Variants in EIF2S3B observed in about 807,000 individuals in gnomAD.
EIF2S3B encodes the protein eukaryotic translation initiation factor 2 subunit gamma B.
Under a neutral mutation model 26.4 loss-of-function variants are expected in EIF2S3B, and 16 were observed. The observed-to-expected ratio is 0.61, with a 90% CI of 0.41 to 0.92. The LOEUF is 0.92. EIF2S3B is among the 40% of genes least tolerant of loss of function. The pLI is 0.00. For missense variants in EIF2S3B, 510 were observed against 575.5 expected (o/e 0.89, Z 1.16); for synonymous variants, 183 against 204.4 (o/e 0.90, Z 0.89).
downstream of EIF2S3B, among the ~76,000 whole-genome samples, chr12:10,508,923 G>A (rs1165995313): frequency 6.6e-6 from 1 of 152,120 alleles, no homozygotes; most frequent in African/African-American, 2.4e-5. Flanking sequence ...AGAACCGTCA[G>A]ATAAAATCTG....
chr12:10,521,582 A>G (rs944402812), intron 1 of EIF2S3B, among the ~76,000 whole-genome samples: 5 of 152,134 alleles, frequency 3.3e-5, no homozygotes, highest in Non-Finnish European at 5.9e-5. Flanking sequence ...CTTCTGCAAA[A>G]CCATAAAATA....
At chr12:10,520,543 T>C (rs935517035) in intron 1 of EIF2S3B, among the ~76,000 whole-genome samples, 9 of 152,044 alleles carry the variant, frequency 5.9e-5, no homozygotes, top group African/African-American at 1.7e-4. Context: ...AAAGGAGATA[T>C]GCAATATCAA....
rs895160870 is a variant in EIF2S3B, at chr12:10,506,886, G to C, written c.984G>C (p.Leu328=). Residue 328 remains leucine, a synonymous_variant, in exon 1 of 1, where the codon CTG becomes CTC. Transcript: ENST00000538173. ...CACTTTTTGCGGAGCATAATGATCT[G>C]CAATATGCTGCTCCAGGCGGTCTTA... ...IVSLFAEHND[L]QYAAPGGLIG... is the part of the protein sequence containing the mutation. The C allele has an allele frequency of 1.9e-6, 3 of 1,613,418 alleles. No homozygotes were observed. Among genetic ancestry groups the C allele is most frequent in the Non-Finnish European group, 2.5e-6 (3 of 1,179,466 alleles).
intron 1 of EIF2S3B, among the ~76,000 whole-genome samples, chr12:10,517,350 G>A (rs1470955856): frequency 6.6e-6 from 1 of 151,510 alleles, no homozygotes; most frequent in East Asian, 1.9e-4. Context: ...GAGGGTGTAT[G>A]TGTCGAGGAA....
chr12:10,507,346 C>T lies in EIF2S3B; in HGVS notation c.*25C>T, dbSNP rs1864648184. Reference sequence around the variant, plus strand: ...AAGAATACCGGTTAAATAATACATTCGGATGGAGCTGGAAGTTGCAATTTC... The same window carrying T: ...AAGAATACCGGTTAAATAATACATTTGGATGGAGCTGGAAGTTGCAATTTC... On this transcript the variant is annotated 3_prime_UTR_variant, in exon 1 of 1. Coordinates refer to ENST00000538173, the MANE Select transcript of EIF2S3B (RefSeq NM_001357734.3). The T allele has an allele frequency of 1.9e-6, 3 of 1,611,536 alleles. No homozygotes were observed. Among genetic ancestry groups the T allele is most frequent in the East Asian group, 2.2e-5 (1 of 44,854 alleles).
chr12:10,518,317 G>A (rs1382846632), intron 1 of EIF2S3B, among the ~76,000 whole-genome samples: 5 of 152,142 alleles, frequency 3.3e-5, no homozygotes, highest in African/African-American at 9.7e-5. Context: ...ATATATTTAG[G>A]ATAGTTAGCT....
chr12:10,515,096 A>G (rs962943721), intron 1 of EIF2S3B, among the ~76,000 whole-genome samples: 2 of 152,078 alleles, frequency 1.3e-5, no homozygotes, highest in Admixed American at 6.6e-5. Context: ...TGCAATTATA[A>G]TACCTAAATC....
intron 1 of EIF2S3B, among the ~76,000 whole-genome samples, chr12:10,522,090 A>T (rs74357082): frequency 6.6e-6 from 1 of 152,252 alleles, no homozygotes; most frequent in African/African-American, 2.4e-5. Flanking sequence ...TCTGTAAAAC[A>T]TATCATACTG....
chr12:10,515,456 A>G (rs1489693466), intron 1 of EIF2S3B, among the ~76,000 whole-genome samples: 1 of 152,072 alleles, frequency 6.6e-6, no homozygotes. Flanking sequence ...ATTAATAATA[A>G]TCAGAATAAA....
At chr12:10,508,525 C>CAAAAAAAAAAAAAAAAAAAAAAAA, downstream of EIF2S3B, among the ~76,000 whole-genome samples, 7 of 62,972 alleles carry the variant, frequency 1.1e-4, no homozygotes, top group Non-Finnish European at 1.7e-4. Flanking sequence ...TGTTAGAAAG[C>CAAAAAAAAAAAAAAAAAAAAAAAA]AAAAAAAAAA....
intron 1 of EIF2S3B, among the ~76,000 whole-genome samples, chr12:10,520,827 C>A (rs915308071): frequency 3.9e-5 from 6 of 152,038 alleles, no homozygotes; most frequent in Non-Finnish European, 8.8e-5. Context: ...AATGGAGAGA[C>A]CTCAATAAGT....
chr12:10,515,399 C>T (rs138036315), intron 1 of EIF2S3B, among the ~76,000 whole-genome samples: 73 of 151,720 alleles, frequency 4.8e-4, no homozygotes, highest in Admixed American at 9.9e-4. Context: ...TAGTTCCTGA[C>T]CTATAGAAGA....
At chr12:10,515,973 T>C (rs1301884465) in intron 1 of EIF2S3B, among the ~76,000 whole-genome samples, 1 of 150,954 alleles carries the variant, frequency 6.6e-6, no homozygotes, top group Non-Finnish European at 1.5e-5. Flanking sequence ...AAAATAGGTG[T>C]TAGTATATAT....
At chr12:10,513,501 A>G (rs911351859), downstream of EIF2S3B, among the ~76,000 whole-genome samples, 3 of 152,340 alleles carry the variant, frequency 2.0e-5, no homozygotes, top group Middle Eastern at 6.8e-3. Flanking sequence ...AGGATTTGCA[A>G]TCATTATCCC....
At position 10,506,989 on chromosome 12, in the gene EIF2S3B, G is replaced by A; in HGVS notation, c.1087G>A (p.Ala363Thr). The A allele has an allele frequency of 6.2e-7, 1 of 1,613,814 alleles. No homozygotes were observed. Reference protein sequence around the residue: ...MVGQILGAVGALPEIFTELEI... With the variant: ...MVGQILGAVGTLPEIFTELEI... ...GGGGCAAATACTTGGTGCAGTCGGAGCTTTACCTGAGATATTCACAGAATT... is the reference window on the plus strand; with the variant it reads ...GGGGCAAATACTTGGTGCAGTCGGAACTTTACCTGAGATATTCACAGAATT... The change falls in exon 1 of 1, where the codon GCT becomes ACT. Residue 363 changes from alanine (A) to threonine (T), a missense_variant. Ala to Thr is a moderately conservative substitution (Grantham distance 58, BLOSUM62 0). Coordinates refer to ENST00000538173, the MANE Select transcript of EIF2S3B (RefSeq NM_001357734.3).
At chr12:10,513,433 C>T (rs769654614), downstream of EIF2S3B, among the ~76,000 whole-genome samples, 11 of 152,182 alleles carry the variant, frequency 7.2e-5, no homozygotes, top group South Asian at 6.2e-4. Context: ...CAGACTTGTT[C>T]AGTGGGAAGA....
At chr12:10,508,864 A>G (rs1198041746), downstream of EIF2S3B, among the ~76,000 whole-genome samples, 1 of 152,154 alleles carries the variant, frequency 6.6e-6, no homozygotes, top group African/African-American at 2.4e-5. Flanking sequence ...ATATGTGTAT[A>G]TAAATTCTTA....
intron 1 of EIF2S3B, among the ~76,000 whole-genome samples, chr12:10,514,915 T>C (rs1212562414): frequency 1.3e-5 from 2 of 152,158 alleles, no homozygotes; most frequent in Non-Finnish European, 2.9e-5. Context: ...AAAATCCATA[T>C]CTGCTCATGT....
At chr12:10,510,584 C>A (rs1864694788), downstream of EIF2S3B, among the ~76,000 whole-genome samples, 1 of 152,138 alleles carries the variant, frequency 6.6e-6, no homozygotes, top group Non-Finnish European at 1.5e-5. Flanking sequence ...ATCCCCAAGA[C>A]CATTTAGAGA....
Sources: gnomAD v4.1 joint callset for allele counts (sites outside exome capture counted in the v4.1 genomes callset) on GRCh38, gnomAD v4.1.1 for gene constraint, MANE v1.5 for transcripts, NCBI Gene and HGNC (gene_info 2026-07-23, HGNC 2026-07-21) for gene names.